Variants in SDK1 observed in about 807,000 individuals in gnomAD.
SDK1 encodes protein sidekick-1.
In SDK1, 157 loss-of-function variants were observed where a neutral mutation model predicts 245.5. The ratio of observed to expected loss-of-function variants is 0.64; its 90% CI spans 0.56 to 0.73. The LOEUF (loss-of-function observed/expected upper bound fraction) is 0.73, where lower values mean the gene tolerates loss of function less well. Among genes scored for constraint, SDK1 ranks in the 30% least tolerant of loss-of-function variants. SDK1 has a pLI of 0.00. For synonymous variants in SDK1, 1,647 were observed against 1,278.5 expected, an observed-to-expected ratio of 1.29 and a Z score of -6.15; for missense variants, 3,583 against 3,002.3, an observed-to-expected ratio of 1.19 and a Z score of -4.52.
chr7:3,392,428 ATAC>A (rs1359186287), intron 1 of SDK1, among the ~76,000 whole-genome samples: 1 of 152,026 alleles, frequency 6.6e-6, no homozygotes, highest in Non-Finnish European at 1.5e-5. Context: ...TCTTTTATAT[ATAC>A]TTTTATGGTG....
chr7:3,991,133 C>G (rs1784279724), intron 14 of SDK1, among the ~76,000 whole-genome samples: 1 of 152,214 alleles, frequency 6.6e-6, no homozygotes, highest in African/African-American at 2.4e-5. Context: ...GTATAGAAGG[C>G]AAGTCAGAGA....
In SDK1 at chr7:4,074,884, C is replaced by CTCTCTCTCTCTCTCTGTG. The variant is rs1377225405; in HGVS notation, c.3011-2113_3011-2112insCTCTCTCTCTCTCTGTGT. On this transcript the variant is annotated intron_variant, in intron 20 of 44. Coordinates refer to ENST00000404826, the MANE Select transcript of SDK1 (RefSeq NM_152744.4). ...TCTCTCTCTCTCTCTCTCTCTCTCT[C>CTCTCTCTCTCTCTCTGTG]TGTATATATATATATATATATATAT... is the stretch of plus-strand genomic sequence containing the variant. 8.0e-5 allele frequency among the ~76,000 whole-genome samples: 5 copies of CTCTCTCTCTCTCTCTGTG among 62,448 alleles called. 1 individual carries two copies. Among genetic ancestry groups the CTCTCTCTCTCTCTCTGTG allele is most frequent in the African/African-American group, 6.1e-4 (5 of 8,200 alleles). The allele number at this position is 62,448 out of a possible 152,430, so 41.0% of individuals were successfully genotyped here. A position where few individuals can be genotyped will look rare whatever the true frequency, so the allele number is the denominator to read the frequency against.
chr7:4,155,711 C>A (rs4720179), intron 30 of SDK1, among the ~76,000 whole-genome samples: 4 of 152,036 alleles, frequency 2.6e-5, no homozygotes, highest in Non-Finnish European at 5.9e-5. Flanking sequence ...GGCAACCCCC[C>A]ACCCCAGCCT....
intron 5 of SDK1, among the ~76,000 whole-genome samples, chr7:3,833,547 A>G (rs1779961879): frequency 6.6e-6 from 1 of 152,220 alleles, no homozygotes; most frequent in South Asian, 2.1e-4. Flanking sequence ...TATATATATC[A>G]GAGACTTATA....
chr7:3,435,512 A>C (rs986121044), intron 1 of SDK1, among the ~76,000 whole-genome samples: 1 of 149,722 alleles, frequency 6.7e-6, no homozygotes, highest in Non-Finnish European at 1.5e-5. Context: ...TATGATTATG[A>C]TTATGATTAT....
At chr7:3,554,190 G>C (rs568644436) in intron 1 of SDK1, among the ~76,000 whole-genome samples, 5 of 152,288 alleles carry the variant, frequency 3.3e-5, no homozygotes, top group African/African-American at 1.2e-4. Flanking sequence ...CATTCACCAA[G>C]ACGGCGCACA....
chr7:3,327,336 A>G (rs1439948682), intron 1 of SDK1, among the ~76,000 whole-genome samples: 1 of 152,124 alleles, frequency 6.6e-6, no homozygotes, highest in Non-Finnish European at 1.5e-5. Context: ...AGGGATAACA[A>G]GGAAGAAGCT....
intron 1 of SDK1, among the ~76,000 whole-genome samples, chr7:3,352,135 AATAT>A (rs1425218952): frequency 2.7e-5 from 4 of 148,924 alleles, no homozygotes; most frequent in Non-Finnish European, 5.9e-5. Context: ...TAATTTTATA[AATAT>A]ATAAATATAT....
chr7:3,901,504 G>C (rs1025561085), intron 5 of SDK1, among the ~76,000 whole-genome samples: 20 of 152,176 alleles, frequency 1.3e-4, no homozygotes, highest in African/African-American at 4.8e-4. Flanking sequence ...CCATGTCCTT[G>C]TCAGTGCACC....
intron 5 of SDK1, among the ~76,000 whole-genome samples, chr7:3,901,451 G>C (rs1281900949): frequency 6.6e-6 from 1 of 152,184 alleles, no homozygotes; most frequent in East Asian, 1.9e-4. Flanking sequence ...CTCCCAAAGT[G>C]CTGGGATTAC....
At chr7:3,417,396 C>A (rs549700828) in intron 1 of SDK1, among the ~76,000 whole-genome samples, 13 of 152,164 alleles carry the variant, frequency 8.5e-5, no homozygotes, top group African/African-American at 3.1e-4. Flanking sequence ...GTTTGCCAAA[C>A]TTTTTTTCAG....
In SDK1 at chr7:4,232,315, C is replaced by T. The variant is rs190465024; in HGVS notation, c.5828-940C>T. 4.8e-4 allele frequency among the ~76,000 whole-genome samples: 72 copies of T among 150,876 alleles called. 2 individuals carry two copies. The highest frequency in any genetic ancestry group is 1.5e-3 in the African/African-American group (62 of 41,156). ...AAAGAGGCTGTCTAGCTCCAGGCTCCAGCACCCCTTTCAGCCCTGATGCTA... is the reference window on the plus strand; with the variant it reads ...AAAGAGGCTGTCTAGCTCCAGGCTCTAGCACCCCTTTCAGCCCTGATGCTA... On this transcript the variant is annotated intron_variant, in intron 40 of 44. Coordinates refer to ENST00000404826, the MANE Select transcript of SDK1 (RefSeq NM_152744.4).
chr7:3,932,102 T>A (rs1396020836), intron 5 of SDK1, among the ~76,000 whole-genome samples: 1 of 152,214 alleles, frequency 6.6e-6, no homozygotes, highest in East Asian at 1.9e-4. Flanking sequence ...TGGTTCTTAA[T>A]ATATTTGAAC....
At chr7:4,177,274 C>T (rs921787600) in intron 34 of SDK1, among the ~76,000 whole-genome samples, 2 of 152,236 alleles carry the variant, frequency 1.3e-5, no homozygotes, top group Non-Finnish European at 2.9e-5. Context: ...CCATCCACAC[C>T]AGCACACAGG....
chr7:4,081,284 GC>G (rs765678548), intron 22 of SDK1, among the ~76,000 whole-genome samples: 11 of 152,210 alleles, frequency 7.2e-5, no homozygotes, highest in Non-Finnish European at 1.3e-4. Flanking sequence ...GGGCAACGTG[GC>G]CCTGTGTCAC....
chr7:3,747,801 T>C (rs558168412), intron 4 of SDK1, among the ~76,000 whole-genome samples: 1 of 151,004 alleles, frequency 6.6e-6, no homozygotes, highest in East Asian at 2.0e-4. Flanking sequence ...GAAGGGAGGA[T>C]TAAGGTGTGA....
At chr7:4,130,588 G>C (rs1288975205) in intron 27 of SDK1, 1 of 153,142 alleles carries the variant, frequency 6.5e-6, no homozygotes, top group Non-Finnish European at 1.5e-5. Context: ...TGCATTGTGG[G>C]AGGTAATTAG....
rs751854430 is a variant in SDK1, at chr7:4,220,141, G to C, written c.5572G>C (p.Gly1858Arg). Residue 1858 changes from glycine to arginine, a missense_variant, in exon 39 of 45, where the codon GGG (glycine) becomes CGG (arginine). Transcript: ENST00000404826. ...CAAGGTGGTGACCGTGGAAGTGAGA[G>C]GGAACTGGCAGCGCTGGCTGAAGGT... The part of the protein sequence containing the change: ...VSKVVTVEVR[G>R]NWQRWLKVRD... The C allele has an allele frequency of 6.8e-6, 11 of 1,614,084 alleles. No homozygotes were observed. The Admixed American group carries it at 1.3e-4, about 20-fold the overall frequency.
chr7:3,366,561 C>A (rs922838717), intron 1 of SDK1, among the ~76,000 whole-genome samples: 1 of 152,044 alleles, frequency 6.6e-6, no homozygotes. Context: ...TGAGGCTTGT[C>A]ACAAGAGCAG....
Sources: gnomAD v4.1 joint callset for allele counts (sites outside exome capture counted in the v4.1 genomes callset) on GRCh38, gnomAD v4.1.1 for gene constraint, MANE v1.5 for transcripts, NCBI Gene and HGNC (gene_info 2026-07-23, HGNC 2026-07-21) for gene names.